The following GPATCH2 variants were observed in gnomAD, a reference collection of about 807,000 sequenced individuals.
GPATCH2 encodes the protein G patch domain-containing protein 2.
In GPATCH2, 51 loss-of-function variants were observed where a neutral mutation model predicts 58.0. That is an observed-to-expected ratio of 0.88 (90% CI 0.70 to 1.11). The LOEUF (loss-of-function observed/expected upper bound fraction) is 1.11. GPATCH2 is among the 50% of genes most tolerant of loss of function. GPATCH2 has a pLI of 0.00. For synonymous variants in GPATCH2, 222 were observed against 218.5 expected, an observed-to-expected ratio of 1.02 and a Z score of -0.14; for missense variants, 625 against 652.2, an observed-to-expected ratio of 0.96 and a Z score of 0.45.
intron 5 of GPATCH2, among the ~76,000 whole-genome samples, chr1:217,543,583 T>A (rs1242680078): frequency 6.6e-6 from 1 of 152,122 alleles, no homozygotes; most frequent in Non-Finnish European, 1.5e-5. Flanking sequence ...ATGTTTTAAA[T>A]CTGCTCCATG....
chr1:217,500,629 T>C (rs1363027433), intron 6 of GPATCH2, among the ~76,000 whole-genome samples: 1 of 152,114 alleles, frequency 6.6e-6, no homozygotes, highest in East Asian at 1.9e-4. Context: ...TGGATTTCTT[T>C]CCTCTGGATG....
chr1:217,574,334 T>C (rs578140874), intron 5 of GPATCH2, among the ~76,000 whole-genome samples: 1 of 152,154 alleles, frequency 6.6e-6, no homozygotes, highest in African/African-American at 2.4e-5. Context: ...GAAATTTAGA[T>C]TGAAACCAAT....
At chr1:217,505,130 G>A (rs1662487271) in intron 6 of GPATCH2, among the ~76,000 whole-genome samples, 1 of 152,170 alleles carries the variant, frequency 6.6e-6, no homozygotes. Flanking sequence ...AGAGACACAG[G>A]CAGATTGCCT....
intron 5 of GPATCH2, among the ~76,000 whole-genome samples, chr1:217,572,000 A>AAGGAAAGAAG (rs1666583220): frequency 1.5e-5 from 2 of 135,134 alleles, no homozygotes; most frequent in African/African-American, 2.7e-5. Context: ...AAGGAAGGAA[A>AAGGAAAGAAG]GAAGGAAGGA....
At chr1:217,473,103 C>A (rs1050980686) in intron 8 of GPATCH2, among the ~76,000 whole-genome samples, 1 of 152,180 alleles carries the variant, frequency 6.6e-6, no homozygotes, top group Non-Finnish European at 1.5e-5. Flanking sequence ...ACTTCTGTCC[C>A]TTACTACCTA....
intron 6 of GPATCH2, among the ~76,000 whole-genome samples, chr1:217,509,564 A>G (rs1184314126): frequency 6.6e-6 from 1 of 152,186 alleles, no homozygotes; most frequent in Non-Finnish European, 1.5e-5. Flanking sequence ...ATCTATAAAA[A>G]TCAAGTGACT....
chr1:217,630,762 C>A (rs1210027053), intron 1 of GPATCH2, among the ~76,000 whole-genome samples, 154 bp downstream of exon 1: 3 of 152,232 alleles, frequency 2.0e-5, no homozygotes, highest in African/African-American at 7.2e-5. Context: ...CTCCCTCAAA[C>A]TGCGTGCATC....
chr1:217,477,062 C>G (rs1661001441), intron 8 of GPATCH2, among the ~76,000 whole-genome samples: 1 of 152,088 alleles, frequency 6.6e-6, no homozygotes, highest in Admixed American at 6.6e-5. Context: ...AGATAGGGGA[C>G]CAGTCAGAGT....
chr1:217,538,682 T>C (rs939878912), intron 5 of GPATCH2, among the ~76,000 whole-genome samples: 8 of 152,264 alleles, frequency 5.3e-5, no homozygotes, highest in African/African-American at 1.7e-4. Flanking sequence ...TTAATCACCA[T>C]GAAGAGCAGA....
intron 5 of GPATCH2, among the ~76,000 whole-genome samples, chr1:217,531,559 A>G (rs1467910129): frequency 1.3e-5 from 2 of 152,228 alleles, no homozygotes; most frequent in Non-Finnish European, 2.9e-5. Flanking sequence ...AAAATAGTAG[A>G]CAATACAAAG....
rs1347481524 is a variant in GPATCH2, at chr1:217,429,466, G to C, written c.*1679C>G. The C allele has an allele frequency of 1.3e-5, 2 of 152,018 alleles. No homozygotes were observed. Among genetic ancestry groups the C allele is most frequent in the African/African-American group, 2.4e-5 (1 of 41,386 alleles). 9.4% of individuals were successfully genotyped at this position (152,018 alleles called of 1,614,324 possible). ...TGGACTTCCCCTCCCTAGTTGGCAG[G>C]ATTTTTTTTAGGGGACCACCTGAGA... On this transcript the variant is annotated 3_prime_UTR_variant, in exon 10 of 10. Coordinates refer to ENST00000366935, the MANE Select transcript of GPATCH2 (RefSeq NM_018040.5).
At chr1:217,540,328 G>C (rs1444090178) in intron 5 of GPATCH2, among the ~76,000 whole-genome samples, 3 of 152,092 alleles carry the variant, frequency 2.0e-5, no homozygotes, top group Non-Finnish European at 4.4e-5. Flanking sequence ...AGGTACTATT[G>C]GGTCCTATGG....
chr1:217,567,049 T>G (rs200631130), intron 5 of GPATCH2, among the ~76,000 whole-genome samples: 4,563 of 149,984 alleles, frequency 0.03, 178 homozygotes, highest in East Asian at 0.16. Context: ...CTTCTGGCTT[T>G]TTTTTTTTTT....
intron 5 of GPATCH2, among the ~76,000 whole-genome samples, chr1:217,523,663 T>G (rs1239834648): frequency 6.6e-6 from 1 of 151,740 alleles, no homozygotes; most frequent in Non-Finnish European, 1.5e-5. Flanking sequence ...ATTGTCATCA[T>G]GGCCCATTCT....
At chr1:217,627,288 T>C (rs539169501) in intron 1 of GPATCH2, among the ~76,000 whole-genome samples, 7 of 152,090 alleles carry the variant, frequency 4.6e-5, no homozygotes, top group African/African-American at 1.4e-4. Flanking sequence ...GATATAACCA[T>C]ACTGGGAATC....
intron 5 of GPATCH2, among the ~76,000 whole-genome samples, chr1:217,553,321 G>A (rs2102674360): frequency 6.6e-6 from 1 of 152,104 alleles, no homozygotes; most frequent in East Asian, 1.9e-4. Flanking sequence ...CTTCATAAAT[G>A]AATACTCAAC....
chr1:217,439,030 A>G (rs570744451), intron 9 of GPATCH2, among the ~76,000 whole-genome samples: 8 of 152,218 alleles, frequency 5.3e-5, no homozygotes, highest in South Asian at 2.1e-4. Flanking sequence ...CCTAATAGAC[A>G]TCTACAGAAC....
chr1:217,550,143 T>C (rs966959698), intron 5 of GPATCH2, among the ~76,000 whole-genome samples: 4 of 152,162 alleles, frequency 2.6e-5, no homozygotes, highest in African/African-American at 9.6e-5. Flanking sequence ...CTGGGTTCTA[T>C]AGCAGAAAGA....
At chr1:217,513,255 C>A (rs959693155) in intron 6 of GPATCH2, among the ~76,000 whole-genome samples, 1 of 152,018 alleles carries the variant, frequency 6.6e-6, no homozygotes, top group Non-Finnish European at 1.5e-5. Flanking sequence ...CATGACATTG[C>A]ACTCCAGCCT....
Sources: allele counts gnomAD v4.1 joint callset (sites outside exome capture counted in the v4.1 genomes callset), GRCh38; gene constraint gnomAD v4.1.1; transcripts MANE v1.5; gene names NCBI Gene and HGNC (gene_info 2026-07-23, HGNC 2026-07-21).